Variants in CCDC88C observed in about 807,000 individuals in gnomAD.
CCDC88C encodes protein Daple.
CCDC88C carries 131 observed loss-of-function variants against 198.8 expected under a neutral mutation model. The observed-to-expected ratio is 0.66, with a 90% CI of 0.57 to 0.76. CCDC88C has a LOEUF of 0.76. Ranked by LOEUF, CCDC88C falls within the 30% of genes least tolerant of loss-of-function variation. CCDC88C has a pLI of 0.00. For synonymous variants in CCDC88C, 1,166 were observed against 1,114.7 expected (o/e 1.05, Z -0.92); for missense variants, 2,553 against 2,631.6 (o/e 0.97, Z 0.65).
intron 25 of CCDC88C, chr14:91,285,637 T>C (rs773990500): frequency 2.7e-5 from 35 of 1,273,684 alleles, no homozygotes; most frequent in Non-Finnish European, 3.2e-5. Flanking sequence ...TGAAGGAGGG[T>C]ACACAATACA....
chr14:91,338,607 G>A lies in CCDC88C; in HGVS notation c.810-37C>T, dbSNP rs1162162922. On this transcript the variant is annotated intron_variant, in intron 8 of 29. Transcript: ENST00000389857. The surrounding 1 kb of genome is among the most constrained non-coding windows in gnomAD (Gnocchi z 4.8). The stretch of plus-strand genomic sequence containing the variant: ...GTAAGGAGAAAGAGTGTGGGAGGCA[G>A]CTTCCTCAACAAGCAGCCCTGGGAG... 6.8e-7 allele frequency: 1 copy of A among 1,479,410 alleles called. No homozygotes were observed. 91.6% of individuals were successfully genotyped at this position (1,479,410 alleles called of 1,614,324 possible). A position where few individuals can be genotyped will look rare whatever the true frequency, so the allele number is the denominator to read the frequency against.
intron 25 of CCDC88C, 47 bp downstream of exon 25, chr14:91,289,058 G>A (rs887378253): frequency 4.0e-6 from 6 of 1,517,848 alleles, no homozygotes; most frequent in Non-Finnish European, 3.6e-6. Flanking sequence ...GGACCCTTCA[G>A]GACACCCCCT....
chr14:91,401,447 G>T (rs1013211042), intron 3 of CCDC88C, among the ~76,000 whole-genome samples: 1 of 150,802 alleles, frequency 6.6e-6, no homozygotes, highest in African/African-American at 2.4e-5. Context: ...CCATTCTCCT[G>T]CCTCAACCTC....
chr14:91,386,456 C>T (rs1885152418), intron 3 of CCDC88C, among the ~76,000 whole-genome samples: 2 of 152,052 alleles, frequency 1.3e-5, no homozygotes, highest in Admixed American at 1.3e-4. Context: ...AGTGAAACTC[C>T]ATCTCTAAAT....
intron 3 of CCDC88C, among the ~76,000 whole-genome samples, chr14:91,361,701 A>G (rs1409468586): frequency 6.6e-6 from 1 of 152,178 alleles, no homozygotes; most frequent in Non-Finnish European, 1.5e-5. Flanking sequence ...CGTGTTGGAC[A>G]ATAGTGTGAG....
intron 1 of CCDC88C, 156 bp downstream of exon 1, chr14:91,417,475 G>C: frequency 3.3e-6 from 2 of 602,710 alleles, no homozygotes; most frequent in Non-Finnish European, 5.7e-6. Context: ...CCGGACTCCA[G>C]GACGCGGCCC....
rs113531924 is a variant in CCDC88C at position 91,274,402 on chromosome 14, G to A, written c.5059-749C>T. 2.3e-3 allele frequency among the ~76,000 whole-genome samples: 356 copies of A among 152,320 alleles called. 2 individuals carry two copies. Among genetic ancestry groups the A allele is most frequent in the African/African-American group, 8.3e-3 (346 of 41,570 alleles). ...TGCCACCACCTTGGGAATAGGCAGA[G>A]CCACAGAGGCAAGGGTCTATGGCCC... On this transcript the variant is annotated intron_variant, in intron 29 of 29. Transcript: ENST00000389857.
intron 27 of CCDC88C, chr14:91,279,601 C>T (rs569693807): frequency 5.9e-5 from 16 of 271,732 alleles, no homozygotes; most frequent in East Asian, 2.3e-4. Flanking sequence ...TCACACAGAA[C>T]GCCAGTATAG....
rs191256982 is a variant in CCDC88C at position 91,288,161 on chromosome 14, T to C, written c.4441+944A>G. On this transcript the variant is annotated intron_variant, in intron 25 of 29. Coordinates refer to ENST00000389857, the MANE Select transcript of CCDC88C (RefSeq NM_001080414.4). The surrounding 1 kb of genome is among the most constrained non-coding windows in gnomAD (Gnocchi z 4.2). ...TAAGAAAAATTCGAAGTGGTGGCCC[T>C]GTACCGTTTGATTGCCTCGTGGTAT... Among the ~76,000 whole-genome samples the C allele has an allele frequency of 1.5e-3, 228 of 152,354 alleles. No homozygotes were observed. The highest frequency in any genetic ancestry group is 2.5e-3 in the Non-Finnish European group (172 of 68,026).
intron 1 of CCDC88C, chr14:91,417,163 C>CA: frequency 1.4e-6 from 1 of 703,168 alleles, no homozygotes; most frequent in Non-Finnish European, 2.6e-6. Context: ...GCGCCCACCC[C>CA]AGTCTGTTCG....
chr14:91,294,129 C>G, intron 23 of CCDC88C, 44 bp downstream of exon 23: 1 of 1,608,616 alleles, frequency 6.2e-7, no homozygotes, highest in Non-Finnish European at 8.5e-7. Flanking sequence ...GGATGTGCAG[C>G]TGTGGTGAGG....
intron 29 of CCDC88C, among the ~76,000 whole-genome samples, chr14:91,277,422 C>T (rs535414357): frequency 6.6e-5 from 10 of 152,334 alleles, no homozygotes; most frequent in African/African-American, 2.2e-4. Context: ...AAAGCTTTAT[C>T]GGATGTCAGC....
chr14:91,323,911 C>T (rs1892462738), intron 12 of CCDC88C, among the ~76,000 whole-genome samples: 1 of 152,238 alleles, frequency 6.6e-6, no homozygotes, highest in Non-Finnish European at 1.5e-5. Context: ...GTTTTAGGTT[C>T]GGAACTGATA....
Position 91,338,939 on chromosome 14 carries a change from AC to A in CCDC88C, c.809+338del. On this transcript the variant is annotated intron_variant, in intron 8 of 29. Transcript: ENST00000389857. The surrounding 1 kb of genome is among the most constrained non-coding windows in gnomAD (Gnocchi z 4.8). The stretch of plus-strand genomic sequence containing the variant: ...CACCAGATTGGAGGGAAGGAGGGGC[AC>A]CTCATCCCTCCAGCCAAGAAAACAC... The A allele has an allele frequency of 2.1e-6, 1 of 478,614 alleles. No individual in the cohort carries two copies. Among genetic ancestry groups the A allele is most frequent in the Non-Finnish European group, 3.8e-6 (1 of 260,150 alleles). The allele number at this position is 478,614 out of a possible 1,614,324, so 29.6% of individuals were successfully genotyped here.
At chr14:91,344,010 G>A (rs1214374938) in intron 4 of CCDC88C, among the ~76,000 whole-genome samples, 1 of 151,968 alleles carries the variant, frequency 6.6e-6, no homozygotes, top group African/African-American at 2.4e-5. Context: ...TTGAAGAGAT[G>A]GGTTTTTGCC....
chr14:91,307,557 G>C (rs1891611655), intron 17 of CCDC88C, among the ~76,000 whole-genome samples: 1 of 152,256 alleles, frequency 6.6e-6, no homozygotes, highest in South Asian at 2.1e-4. Flanking sequence ...GGATACAGGA[G>C]GTGAACAGGG....
rs2139829994 is a variant in CCDC88C, at chr14:91,325,118, CTGACCTGGCTACCTAGGTTATGAAGA to C, written c.1198-221_1198-196del. Among the ~76,000 whole-genome samples, 1 of 152,314 alleles carries C rather than the reference CTGACCTGGCTACCTAGGTTATGAAGA, an allele frequency of 6.6e-6. No homozygotes were observed. Among genetic ancestry groups the C allele is most frequent in the African/African-American group, 2.4e-5 (1 of 41,566 alleles). The stretch of plus-strand genomic sequence containing the variant: ...AGAGGGAAAGCCACTCAAAGGTACC[CTGACCTGGCTACCTAGGTTATGAAGA>C]CAGACCCGGCCGGGGTCCCTAACTG... On this transcript the variant is annotated intron_variant, in intron 11 of 29. Coordinates refer to ENST00000389857, the MANE Select transcript of CCDC88C (RefSeq NM_001080414.4). The surrounding 1 kb of genome is among the most constrained non-coding windows in gnomAD (Gnocchi z 4.1).
At chr14:91,294,359 C>T (rs773417457) in intron 22 of CCDC88C, 41 bp from the exon 23 acceptor site, 27 of 1,606,530 alleles carry the variant, frequency 1.7e-5, no homozygotes, top group Admixed American at 5.1e-5. Flanking sequence ...CCATGTGACC[C>T]GGTGTTCCCA....
At chr14:91,302,786 A>G (rs1891358305) in intron 20 of CCDC88C, among the ~76,000 whole-genome samples, 1 of 152,190 alleles carries the variant, frequency 6.6e-6, no homozygotes, top group South Asian at 2.1e-4. Flanking sequence ...TTAAAAATGA[A>G]AAAAAGCAAG....
Sources: gnomAD v4.1 joint callset for allele counts (sites outside exome capture counted in the v4.1 genomes callset) on GRCh38, gnomAD v4.1.1 for gene constraint, Gnocchi (gnomAD v3.1) non-coding constraint, MANE v1.5 for transcripts, NCBI Gene and HGNC (gene_info 2026-07-23, HGNC 2026-07-21) for gene names.